Variants in NRG1 observed in about 807,000 individuals in gnomAD.
The protein encoded by NRG1 is pro-neuregulin-1, membrane-bound isoform.
Under a neutral mutation model 63.8 loss-of-function variants are expected in NRG1, and 18 were observed. The observed-to-expected ratio is 0.28, with a 90% CI of 0.19 to 0.42. NRG1 has a LOEUF of 0.42. NRG1 is among the 10% of genes least tolerant of loss of function. The pLI, the probability that NRG1 is intolerant of heterozygous loss-of-function variation, is 1.00. For missense variants in NRG1, 762 were observed against 814.7 expected (o/e 0.94, Z 0.79); for synonymous variants, 302 against 301.3 (o/e 1.00, Z -0.02).
At chr8:32,146,697 A>G (rs975408333) in intron 1 of NRG1, among the ~76,000 whole-genome samples, 1 of 152,140 alleles carries the variant, frequency 6.6e-6, no homozygotes, top group Non-Finnish European at 1.5e-5. Context: ...AACATGTTCA[A>G]GCTTTATAAT....
intron 5 of NRG1, among the ~76,000 whole-genome samples, chr8:32,632,323 C>T (rs984489763): frequency 7.9e-5 from 12 of 152,114 alleles, no homozygotes; most frequent in East Asian, 3.9e-4. Flanking sequence ...GAGGCCAAGG[C>T]GGGCGGATCA....
At chr8:32,472,863 A>T (rs571826635) in intron 1 of NRG1, among the ~76,000 whole-genome samples, 1 of 152,348 alleles carries the variant, frequency 6.6e-6, no homozygotes, top group South Asian at 2.1e-4. Flanking sequence ...GTGAGGATGG[A>T]AAGTTAATAT....
At chr8:31,929,973 C>T (rs1834732182) in intron 1 of NRG1, among the ~76,000 whole-genome samples, 1 of 152,178 alleles carries the variant, frequency 6.6e-6, no homozygotes, top group African/African-American at 2.4e-5. Context: ...TAGGATCTGC[C>T]CCTTTCTTGT....
chr8:32,420,766 T>C (rs1415337329), intron 1 of NRG1, among the ~76,000 whole-genome samples: 1 of 152,188 alleles, frequency 6.6e-6, no homozygotes, highest in African/African-American at 2.4e-5. Context: ...TTCCCACTGA[T>C]ATGGTTTGGC....
intron 1 of NRG1, among the ~76,000 whole-genome samples, chr8:32,477,781 T>G (rs1196399421): frequency 6.6e-6 from 1 of 152,208 alleles, no homozygotes; most frequent in East Asian, 1.9e-4. Flanking sequence ...TGTCTTCTCA[T>G]AAAAATAGTA....
At chr8:32,653,297 G>A (rs1855555570) in intron 5 of NRG1, among the ~76,000 whole-genome samples, 1 of 152,108 alleles carries the variant, frequency 6.6e-6, no homozygotes, top group Non-Finnish European at 1.5e-5. Context: ...ATTGCATAAT[G>A]CAATTTGAGA....
intron 1 of NRG1, among the ~76,000 whole-genome samples, chr8:32,077,253 G>A (rs1055939421): frequency 6.6e-6 from 1 of 152,130 alleles, no homozygotes; most frequent in Non-Finnish European, 1.5e-5. Context: ...TATAATCCCA[G>A]CTACTTGGGA....
chr8:32,026,930 T>G (rs1256028651), intron 1 of NRG1, among the ~76,000 whole-genome samples: 1 of 152,170 alleles, frequency 6.6e-6, no homozygotes, highest in Non-Finnish European at 1.5e-5. Context: ...TTCACTATAA[T>G]TATCTTAATC....
intron 1 of NRG1, among the ~76,000 whole-genome samples, chr8:31,730,498 AAT>A (rs1813919112): frequency 6.6e-6 from 1 of 152,196 alleles, no homozygotes; most frequent in African/African-American, 2.4e-5. Flanking sequence ...TTGTTTAAAA[AAT>A]ATGTTTCAAA....
chr8:32,156,521 A>G (rs1180844927), intron 1 of NRG1, among the ~76,000 whole-genome samples: 2 of 152,220 alleles, frequency 1.3e-5, no homozygotes, highest in African/African-American at 4.8e-5. Context: ...TATCTAATGC[A>G]TAGAAGGTGC....
intron 1 of NRG1, among the ~76,000 whole-genome samples, chr8:32,470,514 C>T (rs1439939957): frequency 2.0e-5 from 3 of 152,036 alleles, no homozygotes; most frequent in East Asian, 1.9e-4. Context: ...ATGAAAAGGA[C>T]TCTTTTTAAC....
At chr8:31,639,520 C>T (rs1803524629) in intron 1 of NRG1, 2 of 1,501,656 alleles carry the variant, frequency 1.3e-6, no homozygotes, top group Admixed American at 2.0e-5. Context: ...AGGGCTCTCT[C>T]CCTCGCGCTC....
chr8:32,730,585 A>G (rs1248312632), intron 6 of NRG1, among the ~76,000 whole-genome samples: 1 of 152,246 alleles, frequency 6.6e-6, no homozygotes. Context: ...CTTGGTCACT[A>G]AAATATTCAA....
At chr8:32,749,342 G>T (rs985687002) in intron 7 of NRG1, 11 of 610,124 alleles carry the variant, frequency 1.8e-5, no homozygotes, top group Admixed American at 1.1e-4. Context: ...ACAGTGTGCT[G>T]GTATTTTGCA....
At chr8:31,869,524 A>G (rs1396068193) in intron 1 of NRG1, among the ~76,000 whole-genome samples, 1 of 152,176 alleles carries the variant, frequency 6.6e-6, no homozygotes, top group Admixed American at 6.5e-5. Context: ...TTCACTATAA[A>G]CAATCTTTGG....
chr8:31,799,984 A>G (rs974485954), intron 1 of NRG1, among the ~76,000 whole-genome samples: 22 of 152,202 alleles, frequency 1.4e-4, no homozygotes, highest in Admixed American at 3.3e-4. Context: ...AGCGATTTGA[A>G]GCCATGTTGA....
chr8:31,881,788 T>C (rs2346369), intron 1 of NRG1, among the ~76,000 whole-genome samples: 38,432 of 152,056 alleles, frequency 0.25, 5,955 homozygotes, highest in East Asian at 0.7. Context: ...AACATTCTCT[T>C]AAGCCAAAGC....
At chr8:32,361,060 A>G (rs1807137279) in intron 1 of NRG1, among the ~76,000 whole-genome samples, 1 of 152,158 alleles carries the variant, frequency 6.6e-6, no homozygotes, top group Non-Finnish European at 1.5e-5. Flanking sequence ...CCCCTTATTC[A>G]TACGATAGAC....
intron 1 of NRG1, among the ~76,000 whole-genome samples, chr8:31,798,952 A>C (rs1450306051): frequency 6.6e-6 from 1 of 152,118 alleles, no homozygotes; most frequent in Non-Finnish European, 1.5e-5. Context: ...GTGAATGAAA[A>C]TTATAGAATT....
Sources: allele counts gnomAD v4.1 joint callset (sites outside exome capture counted in the v4.1 genomes callset), GRCh38; gene constraint gnomAD v4.1.1; transcripts MANE v1.5; gene names NCBI Gene and HGNC (gene_info 2026-07-23, HGNC 2026-07-21).